The following AK6 variants were observed in gnomAD, a reference collection of about 807,000 sequenced individuals.
The protein encoded by AK6 is adenylate kinase 6.
Under a neutral mutation model 23.7 loss-of-function variants are expected in AK6, and 24 were observed. The observed-to-expected ratio is 1.01, with a 90% CI of 0.73 to 1.43. The LOEUF is 1.43. Among genes scored for constraint, AK6 ranks in the 40% most tolerant of loss-of-function variants. The pLI, the probability that AK6 is intolerant of heterozygous loss-of-function variation, is 0.00. For synonymous variants in AK6, 73 were observed against 69.8 expected (o/e 1.05, Z -0.23); for missense variants, 191 against 199.1 (o/e 0.96, Z 0.24).
intron 2 of AK6, 101 bp from the exon 3 acceptor site, chr5:69,356,054 A>G: frequency 1.0e-6 from 1 of 967,390 alleles, no homozygotes; most frequent in Non-Finnish European, 1.5e-6. Flanking sequence ...ATCATCAATT[A>G]TTCTTTTAGA....
chr5:69,364,446 G>A (rs1762331973), intron 2 of AK6, among the ~76,000 whole-genome samples: 1 of 152,140 alleles, frequency 6.6e-6, no homozygotes, highest in African/African-American at 2.4e-5. Context: ...TTGGGCAATT[G>A]AGGAAGATAA....
At chr5:69,363,788 G>GA (rs1380399703) in intron 2 of AK6, among the ~76,000 whole-genome samples, 137 of 126,790 alleles carry the variant, frequency 1.1e-3, no homozygotes, top group Middle Eastern at 8.3e-3. Context: ...CGTCTCAAAA[G>GA]AAAAAAAAAA....
At chr5:69,353,134 G>A (rs910733159) in intron 4 of AK6, among the ~76,000 whole-genome samples, 3 of 151,970 alleles carry the variant, frequency 2.0e-5, no homozygotes, top group African/African-American at 4.8e-5. Context: ...TTTGACAGGA[G>A]ACAGGCATAA....
intron 2 of AK6, among the ~76,000 whole-genome samples, chr5:69,364,180 G>A (rs897428445): frequency 3.3e-5 from 5 of 151,236 alleles, no homozygotes; most frequent in Admixed American, 6.6e-5. Context: ...ATAAATTGAC[G>A]TTCTTTTGGA....
intron 1 of AK6, 76 bp downstream of exon 1, chr5:69,369,387 C>G (rs977542748): frequency 3.9e-6 from 6 of 1,543,960 alleles, no homozygotes; most frequent in Non-Finnish European, 4.4e-6. Flanking sequence ...GGGCCCCCAC[C>G]TGGGCGCCCG....
chr5:69,365,476 G>A, intron 2 of AK6: 1 of 1,614,130 alleles, frequency 6.2e-7, no homozygotes, highest in Non-Finnish European at 8.5e-7. Context: ...AAATCTCTTG[G>A]GGGAGGAGAG....
intron 2 of AK6, among the ~76,000 whole-genome samples, chr5:69,360,426 A>G (rs1364269966): frequency 1.3e-5 from 2 of 152,204 alleles, no homozygotes; most frequent in African/African-American, 4.8e-5. Context: ...GGATGCTTTC[A>G]GAGCACGTGC....
At chr5:69,367,903 G>A (rs1762541933) in intron 1 of AK6, 1 of 152,238 alleles carries the variant, frequency 6.6e-6, no homozygotes, top group Admixed American at 6.5e-5. Flanking sequence ...GGTGGCTCGC[G>A]CGTGTAATCC....
rs1761946817 is a variant in AK6 at position 69,351,401 on chromosome 5, G to C, written c.*660C>G. On this transcript the variant is annotated 3_prime_UTR_variant, in exon 5 of 5. Transcript: ENST00000380822. ...TATCTCAACTAAAAAAAAGAACAGG[G>C]AGGTCTGTACTGAGATGATATAATC... 6.6e-6 allele frequency: 1 copy of C among 152,138 alleles called. No homozygotes were observed. Among genetic ancestry groups the C allele is most frequent in the Non-Finnish European group, 1.5e-5 (1 of 68,040 alleles). 9.4% of individuals were successfully genotyped at this position (152,138 alleles called of 1,614,324 possible).
intron 4 of AK6, among the ~76,000 whole-genome samples, chr5:69,354,170 C>A (rs1346900353): frequency 6.6e-6 from 1 of 152,078 alleles, no homozygotes; most frequent in Non-Finnish European, 1.5e-5. Context: ...ATAGTTTTTT[C>A]ATACCTTAGT....
upstream of AK6, chr5:69,369,755 C>T (rs1471843952): frequency 6.6e-7 from 1 of 1,510,512 alleles, no homozygotes; most frequent in African/African-American, 1.4e-5. Context: ...CTAAGTCACA[C>T]ACTCCTTCGG....
In AK6 at chr5:69,355,824, C is replaced by CT. The variant is rs747109913; in HGVS notation, c.181-31dup. 4.1e-5 allele frequency: 66 copies of CT among 1,594,942 alleles called. 1 individual carries two copies. In the South Asian group the frequency reaches 7.5e-4, roughly 18 times the overall value. Reference sequence around the variant, plus strand: ...AAGAAAAGTTTAAAAAAAAATGCTTCTTAAGAAAACTGAAGTCAACTTTCC... The same window carrying CT: ...AAGAAAAGTTTAAAAAAAAATGCTTCTTTAAGAAAACTGAAGTCAACTTTCC... On this transcript the variant is annotated intron_variant, in intron 3 of 4. Coordinates refer to ENST00000380822, the MANE Select transcript of AK6 (RefSeq NM_016283.5).
chr5:69,354,340 T>C (rs1762027151), intron 4 of AK6, among the ~76,000 whole-genome samples: 1 of 152,222 alleles, frequency 6.6e-6, no homozygotes, highest in Non-Finnish European at 1.5e-5. Context: ...GTTTTAGGTT[T>C]AGCCCCAATT....
rs774701923 is a variant in AK6 at position 69,369,464 on chromosome 5, G to C, written c.27C>G (p.Thr9=). ...TCCCTCCCGGCCGCGCGCCCTGACC[G>C]GTGAGCAGGATGTTCGGAAGCAACA... MLLPNILL[T]GTPGVGKTTL... The change falls in exon 1 of 5, where the codon ACC becomes ACG. Residue 9 remains threonine (T), a splice_region_variant and synonymous_variant. Coordinates refer to ENST00000380822, the MANE Select transcript of AK6 (RefSeq NM_016283.5). 6 of 1,610,426 alleles carry C rather than the reference G, an allele frequency of 3.7e-6. No individual in the cohort carries two copies. The highest frequency in any genetic ancestry group is 5.1e-6 in the Non-Finnish European group (6 of 1,179,136).
At chr5:69,369,060 A>G (rs1281483510) in intron 1 of AK6, 1 of 263,044 alleles carries the variant, frequency 3.8e-6, no homozygotes, top group Non-Finnish European at 7.1e-6. Flanking sequence ...GGCATCCACC[A>G]TTAATGACTC....
Position 69,351,914 on chromosome 5 carries a change from AAAAG to A in AK6, c.*143_*146del, listed in dbSNP as rs1761957839. 4.1e-6 allele frequency: 2 copies of A among 484,558 alleles called. No individual in the cohort carries two copies. Among genetic ancestry groups the A allele is most frequent in the Admixed American group, 4.2e-5 (1 of 24,002 alleles). 30.0% of individuals were successfully genotyped at this position (484,558 alleles called of 1,614,324 possible). ...TTCATGTTTAGCTTTCTCATGGAGA[AAAAG>A]AAACACAGGCATAAACCTATATACT... is the stretch of plus-strand genomic sequence containing the variant. On this transcript the variant is annotated 3_prime_UTR_variant, in exon 5 of 5. Transcript: ENST00000380822.
In AK6 at chr5:69,364,138, T is replaced by TA. The variant is rs969849566; in HGVS notation, c.121+2364dup. On this transcript the variant is annotated intron_variant, in intron 2 of 4. Transcript: ENST00000380822. ...AAATGAGTAGTTGTATGATAGCAAA[T>TA]AAAAATCTAGGTTTTAGAAACTATA... 3.9e-4 allele frequency among the ~76,000 whole-genome samples: 59 copies of TA among 151,924 alleles called. 2 individuals are homozygous for TA. Among genetic ancestry groups the TA allele is most frequent in the Admixed American group, 3.7e-3 (56 of 15,256 alleles).
At position 69,366,568 on chromosome 5, in the gene AK6, A is replaced by G. The variant is rs142083952; in HGVS notation, c.56T>C (p.Leu19Pro). 6.8e-6 allele frequency: 11 copies of G among 1,613,956 alleles called. No homozygotes were observed. The African/African-American group carries it at 1.3e-4, about 20-fold the overall frequency. The stretch of plus-strand genomic sequence containing the variant: ...TGATTTTGACGCAAGTTCTTTGCCT[A>G]GTGTGGTTTTTCCAACCCCTGGTGT... The part of the protein sequence containing the change: ...TGTPGVGKTT[L>P]GKELASKSGL... The change falls in exon 2 of 5, where the codon CTA becomes CCA. Residue 19 changes from leucine to proline, a missense_variant. Leu to Pro is a moderately conservative substitution (Grantham distance 98). Coordinates refer to ENST00000380822, the MANE Select transcript of AK6 (RefSeq NM_016283.5).
At chr5:69,353,719 TG>T (rs1278189344) in intron 4 of AK6, among the ~76,000 whole-genome samples, 1 of 152,186 alleles carries the variant, frequency 6.6e-6, no homozygotes, top group African/African-American at 2.4e-5. Flanking sequence ...ACCTGAATTA[TG>T]TACTTTAAGT....
Sources: allele counts gnomAD v4.1 joint callset (sites outside exome capture counted in the v4.1 genomes callset), GRCh38; gene constraint gnomAD v4.1.1; transcripts MANE v1.5; gene names NCBI Gene and HGNC (gene_info 2026-07-23, HGNC 2026-07-21).